Variants in CTNND1 observed in about 807,000 individuals in gnomAD.
CTNND1 encodes the protein catenin delta-1.
Under a neutral mutation model 112.1 loss-of-function variants are expected in CTNND1, and 16 were observed. The ratio of observed to expected loss-of-function variants is 0.14; its 90% CI spans 0.10 to 0.22. CTNND1 has a LOEUF of 0.22. Ranked by LOEUF, CTNND1 falls within the 10% of genes least tolerant of loss-of-function variation. The pLI, the probability that CTNND1 is intolerant of heterozygous loss-of-function variation, is 1.00. For missense variants in CTNND1, 1,008 were observed against 1,257.0 expected, an observed-to-expected ratio of 0.80 and a Z score of 3.00; for synonymous variants, 420 against 446.5, an observed-to-expected ratio of 0.94 and a Z score of 0.75.
In CTNND1 at chr11:57,796,637, A is replaced by G. The variant is rs374492549; in HGVS notation, c.601A>G (p.Thr201Ala). 3.1e-6 allele frequency: 5 copies of G among 1,613,936 alleles called. No individual in the cohort carries two copies. In the South Asian group the frequency reaches 4.4e-5, roughly 14 times the overall value. The change falls in exon 6 of 21, where the codon ACC becomes GCC. Residue 201 changes from threonine (T) to alanine (A), a missense_variant. Transcript: ENST00000399050. ...GPYVGQAGTA[T>A]LPRNFHYPPD... is the part of the protein sequence containing the mutation. ...CTATGTGGGGCAAGCTGGCACTGCT[A>G]CCCTTCCTAGGAACTTCCACTACCC...
At chr11:57,813,121 A>G (rs1328841690) in intron 17 of CTNND1, among the ~76,000 whole-genome samples, 8 of 152,182 alleles carry the variant, frequency 5.3e-5, no homozygotes, top group African/African-American at 1.9e-4. Flanking sequence ...ATTTGAGCCC[A>G]GGAGTTTGAG....
chr11:57,796,320 A>G, intron 5 of CTNND1, 137 bp from the exon 6 acceptor site: 1 of 753,948 alleles, frequency 1.3e-6, no homozygotes, highest in Non-Finnish European at 2.1e-6. Context: ...TGGGAGGCAG[A>G]GGTTGCAGGT....
chr11:57,791,334 C>T (rs2060716892), intron 2 of CTNND1, 51 bp from the exon 3 acceptor site: 3 of 1,278,860 alleles, frequency 2.3e-6, no homozygotes, highest in Non-Finnish European at 3.0e-6. Context: ...ATTCATCTGT[C>T]TTCTCTGACC....
intron 2 of CTNND1, among the ~76,000 whole-genome samples, chr11:57,790,683 G>C (rs1394386218): frequency 6.7e-6 from 1 of 148,858 alleles, no homozygotes; most frequent in South Asian, 2.2e-4. Flanking sequence ...TCAGCCTCCC[G>C]AGTAGCTGGA....
At chr11:57,793,989 T>A in intron 3 of CTNND1, 21 bp from the exon 4 acceptor site, 1 of 1,612,886 alleles carries the variant, frequency 6.2e-7, no homozygotes, top group Non-Finnish European at 8.5e-7. Flanking sequence ...ATGAATTGTC[T>A]TCTTGTGGGC....
rs1457016728 is a variant in CTNND1, at chr11:57,818,365, AC to A, written c.*2059del. 1 of 149,246 alleles carries A rather than the reference AC, an allele frequency of 6.7e-6. No individual in the cohort carries two copies. The highest frequency in any genetic ancestry group is 1.5e-5 in the Non-Finnish European group (1 of 67,570). 9.2% of individuals were successfully genotyped at this position (149,246 alleles called of 1,614,324 possible). On this transcript the variant is annotated 3_prime_UTR_variant, in exon 21 of 21. Coordinates refer to ENST00000399050, the MANE Select transcript of CTNND1 (RefSeq NM_001085458.2). ...CTAAGGGGCTTGTGTTCTGCTCCAT[AC>A]CTTTTCTCTTTTCTTTCTGTCTTGT...
At chr11:57,794,639 G>A (rs2061149809) in intron 4 of CTNND1, among the ~76,000 whole-genome samples, 1 of 151,892 alleles carries the variant, frequency 6.6e-6, no homozygotes, top group South Asian at 2.1e-4. Context: ...TACAAAATTA[G>A]TCAGGCGTGG....
chr11:57,780,844 C>T (rs1175458130), intron 1 of CTNND1, among the ~76,000 whole-genome samples: 1 of 152,220 alleles, frequency 6.6e-6, no homozygotes, highest in Non-Finnish European at 1.5e-5. Context: ...GGCTCAATTA[C>T]ATGCTTCCAC....
At chr11:57,809,563 T>C (rs1334342167) in intron 15 of CTNND1, 97 bp downstream of exon 15, 1 of 1,060,878 alleles carries the variant, frequency 9.4e-7, no homozygotes, top group African/African-American at 1.6e-5. Flanking sequence ...TCCCCTTATT[T>C]ACGTGTAATG....
chr11:57,787,812 A>G (rs903237734), intron 1 of CTNND1, among the ~76,000 whole-genome samples: 9 of 152,366 alleles, frequency 5.9e-5, no homozygotes, highest in South Asian at 2.1e-4. Context: ...TTTCCAAATT[A>G]GAGCCAGGTG....
intron 4 of CTNND1, among the ~76,000 whole-genome samples, chr11:57,794,594 T>C (rs1212551881): frequency 6.6e-6 from 1 of 151,722 alleles, no homozygotes; most frequent in Non-Finnish European, 1.5e-5. Context: ...GAGACCAGCC[T>C]GACCAACATG....
In CTNND1 at chr11:57,796,595, A is replaced by G. The variant is rs776369604; in HGVS notation, c.559A>G (p.Asn187Asp). 33 of 1,613,874 alleles carry G rather than the reference A, an allele frequency of 2.0e-5. No individual in the cohort carries two copies. Among genetic ancestry groups the G allele is most frequent in the Non-Finnish European group, 2.6e-5 (31 of 1,179,900 alleles). The change falls in exon 6 of 21, where the codon AAT (asparagine) becomes GAT (aspartate). Residue 187 changes from asparagine (N) to aspartate (D), a missense_variant. Coordinates refer to ENST00000399050, the MANE Select transcript of CTNND1 (RefSeq NM_001085458.2). ...TLGRDFRKNG[N>D]GGPGPYVGQA... ...GGGTCGTGATTTCCGCAAGAATGGCAATGGGGGACCTGGTCCCTATGTGGG... is the reference window on the plus strand; with the variant it reads ...GGGTCGTGATTTCCGCAAGAATGGCGATGGGGGACCTGGTCCCTATGTGGG...
In CTNND1 at chr11:57,793,991, C is replaced by G. The variant is rs754662949; in HGVS notation, c.196-19C>G. Reference sequence around the variant, plus strand: ...AGAAGGCCACAAAATGAATTGTCTTCTTGTGGGCTGTGTTTCAGAACGGCC... The same window carrying G: ...AGAAGGCCACAAAATGAATTGTCTTGTTGTGGGCTGTGTTTCAGAACGGCC... On this transcript the variant is annotated intron_variant, in intron 3 of 20. Coordinates refer to ENST00000399050, the MANE Select transcript of CTNND1 (RefSeq NM_001085458.2). The G allele has an allele frequency of 1.2e-6, 2 of 1,613,106 alleles. No homozygotes were observed. Among genetic ancestry groups the G allele is most frequent in the Non-Finnish European group, 1.7e-6 (2 of 1,179,098 alleles).
intron 2 of CTNND1, among the ~76,000 whole-genome samples, chr11:57,790,271 T>C (rs777795054): frequency 9.2e-5 from 14 of 152,088 alleles, no homozygotes; most frequent in Non-Finnish European, 1.8e-4. Flanking sequence ...GGTTTCCCCA[T>C]GTTGGCCAGG....
chr11:57,786,717 AGCCT>A (rs1390317860), intron 1 of CTNND1, among the ~76,000 whole-genome samples: 3 of 152,156 alleles, frequency 2.0e-5, no homozygotes, highest in Non-Finnish European at 4.4e-5. Context: ...CATTTACTGT[AGCCT>A]GCCTAACAGC....
At chr11:57,805,178 C>T (rs1366042894) in intron 9 of CTNND1, among the ~76,000 whole-genome samples, 3 of 152,026 alleles carry the variant, frequency 2.0e-5, no homozygotes, top group Non-Finnish European at 2.9e-5. Context: ...GGATTACAGG[C>T]GTGAGCCACT....
intron 7 of CTNND1, 89 bp downstream of exon 7, chr11:57,802,285 T>C (rs982839700): frequency 1.7e-6 from 2 of 1,180,006 alleles, no homozygotes; most frequent in South Asian, 3.0e-5. Context: ...CTTTTACTTT[T>C]GATGAAAGGT....
At chr11:57,780,118 A>G (rs1339321894) in intron 1 of CTNND1, among the ~76,000 whole-genome samples, 1 of 144,616 alleles carries the variant, frequency 6.9e-6, no homozygotes, top group East Asian at 2.0e-4. Flanking sequence ...CAGTGGCACA[A>G]TCTTGGCTGA....
chr11:57,797,741 C>T (rs2061512346), intron 6 of CTNND1, among the ~76,000 whole-genome samples: 1 of 145,210 alleles, frequency 6.9e-6, no homozygotes, highest in African/African-American at 2.5e-5. Context: ...ACTCGGGAGG[C>T]TGAGGCAGGA....
Sources: allele counts gnomAD v4.1 joint callset (sites outside exome capture counted in the v4.1 genomes callset), GRCh38; gene constraint gnomAD v4.1.1; transcripts MANE v1.5; gene names NCBI Gene and HGNC (gene_info 2026-07-23, HGNC 2026-07-21).